Variants in FGFR2 observed in about 807,000 individuals in gnomAD.
FGFR2 encodes fibroblast growth factor receptor 2, also known as BEK fibroblast growth factor receptor.
In FGFR2, 19 loss-of-function variants were observed where a neutral mutation model predicts 95.9. That is an observed-to-expected ratio of 0.20 (90% CI 0.14 to 0.29). The LOEUF is 0.29. Among genes scored for constraint, FGFR2 ranks in the 10% least tolerant of loss-of-function variants. FGFR2 has a pLI of 1.00. For synonymous variants in FGFR2, 392 were observed against 393.3 expected (o/e 1.00, Z 0.04); for missense variants, 707 against 1,056.9 (o/e 0.67, Z 4.59).
intron 13 of FGFR2, among the ~76,000 whole-genome samples, chr10:121,494,426 T>C (rs1485140775): frequency 6.6e-6 from 1 of 152,106 alleles, no homozygotes; most frequent in African/African-American, 2.4e-5. Context: ...ATAAAATGAC[T>C]GAGCCAGCCC....
chr10:121,517,427 C>A lies in FGFR2; in HGVS notation c.976G>T (p.Val326Phe), dbSNP rs972534891. The A allele has an allele frequency of 1.9e-6, 3 of 1,614,200 alleles. No homozygotes were observed. Among genetic ancestry groups the A allele is most frequent in the Non-Finnish European group, 2.5e-6 (3 of 1,180,036 alleles). Residue 326 changes from valine to phenylalanine, a missense_variant, in exon 8 of 18, where the codon GTT (valine) becomes TTT (phenylalanine). By Grantham distance (50) the Val-to-Phe change is conservative (BLOSUM62 -1). Transcript: ENST00000358487. The surrounding 1 kb of genome is among the most constrained non-coding windows in gnomAD (Gnocchi z 4.7). ...AAAGTTACATTCCGAATATAGAGAA[C>A]CTCAATCTCTTTGTCCGTGGTGTTA... ...GVNTTDKEIE[V>F]LYIRNVTFED...
At chr10:121,505,444 A>T (rs1848144398) in intron 9 of FGFR2, among the ~76,000 whole-genome samples, 1 of 152,192 alleles carries the variant, frequency 6.6e-6, no homozygotes, top group South Asian at 2.1e-4. Flanking sequence ...CATTATGCAG[A>T]TAGTATGAGC....
At position 121,498,723 on chromosome 10, in the gene FGFR2, G is replaced by T. The variant is rs4647911; in HGVS notation, c.1562-118C>A. The T allele has an allele frequency of 1.3e-4, 114 of 895,282 alleles. No individual in the cohort carries two copies. In the Middle Eastern group the frequency reaches 1.4e-3, roughly 11 times the overall value. 55.5% of individuals were successfully genotyped at this position (895,282 alleles called of 1,614,324 possible). On this transcript the variant is annotated intron_variant, in intron 11 of 17. Coordinates refer to ENST00000358487, the MANE Select transcript of FGFR2 (RefSeq NM_000141.5). Reference sequence around the variant, plus strand: ...GAAATTGAATTTCAGAATCAGAAAAGATTTTCCAAATCATCTCCCTCATTT... The same window carrying T: ...GAAATTGAATTTCAGAATCAGAAAATATTTTCCAAATCATCTCCCTCATTT...
intron 6 of FGFR2, 27 bp from the exon 7 acceptor site, chr10:121,520,196 AGT>A (rs1564919608): frequency 1.2e-6 from 2 of 1,604,212 alleles, no homozygotes; most frequent in South Asian, 2.2e-5. Flanking sequence ...AGAAAGGAGG[AGT>A]GGGGATGGGA....
intron 2 of FGFR2, among the ~76,000 whole-genome samples, chr10:121,591,953 T>G (rs971763778): frequency 1.3e-5 from 2 of 152,214 alleles, no homozygotes; most frequent in Non-Finnish European, 2.9e-5. Flanking sequence ...CCTCCCTGCA[T>G]GTATACACAA....
At chr10:121,516,117 G>A (rs934356238) in intron 8 of FGFR2, among the ~76,000 whole-genome samples, 1 of 152,048 alleles carries the variant, frequency 6.6e-6, no homozygotes, top group African/African-American at 2.4e-5. Context: ...AACTTCCAAT[G>A]TCTGACTTCT....
intron 8 of FGFR2, among the ~76,000 whole-genome samples, chr10:121,515,646 T>C (rs1849622162): frequency 6.6e-6 from 1 of 152,008 alleles, no homozygotes; most frequent in Non-Finnish European, 1.5e-5. Flanking sequence ...AATGAAAGGA[T>C]TATCTTTCAT....
chr10:121,595,814 G>A (rs1863355934), intron 1 of FGFR2, among the ~76,000 whole-genome samples: 2 of 152,198 alleles, frequency 1.3e-5, no homozygotes, highest in Admixed American at 1.3e-4. Flanking sequence ...GCAGAGAAAG[G>A]TGGACAGGGC....
chr10:121,513,966 G>A (rs1849369528), intron 9 of FGFR2, among the ~76,000 whole-genome samples: 1 of 152,082 alleles, frequency 6.6e-6, no homozygotes, highest in African/African-American at 2.4e-5. Context: ...TCCAGAAAAT[G>A]TCATTCCTAC....
chr10:121,577,549 G>A (rs1296281319), intron 2 of FGFR2, among the ~76,000 whole-genome samples: 1 of 152,074 alleles, frequency 6.6e-6, no homozygotes. Context: ...TCCTGCTGGT[G>A]CGTACATGTG....
At chr10:121,568,194 A>G (rs1222611790) in intron 2 of FGFR2, among the ~76,000 whole-genome samples, 1 of 152,172 alleles carries the variant, frequency 6.6e-6, no homozygotes, top group African/African-American at 2.4e-5. Context: ...CCAACATCCT[A>G]GAGTCACAGA....
At chr10:121,522,011 T>C (rs1822109734) in intron 6 of FGFR2, among the ~76,000 whole-genome samples, 1 of 152,206 alleles carries the variant, frequency 6.6e-6, no homozygotes, top group African/African-American at 2.4e-5. Flanking sequence ...GAAGCCATGA[T>C]GCTAAGTGAA....
intron 2 of FGFR2, among the ~76,000 whole-genome samples, chr10:121,587,036 A>G (rs1173327650): frequency 6.6e-6 from 1 of 152,224 alleles, no homozygotes; most frequent in Non-Finnish European, 1.5e-5. Context: ...TGGTACTGGT[A>G]TAAAAACAGG....
intron 4 of FGFR2, among the ~76,000 whole-genome samples, chr10:121,555,028 C>T (rs1855935663): frequency 6.6e-6 from 1 of 152,152 alleles, no homozygotes; most frequent in Non-Finnish European, 1.5e-5. Flanking sequence ...AGAGATCAGC[C>T]TTGTCCATAG....
intron 9 of FGFR2, among the ~76,000 whole-genome samples, chr10:121,514,299 G>A (rs191998658): frequency 4.1e-4 from 62 of 152,256 alleles, no homozygotes; most frequent in Non-Finnish European, 8.1e-4. Flanking sequence ...CTGTGAATAA[G>A]CAGAAAAGAG....
At chr10:121,564,327 G>A (rs1455967733) in intron 4 of FGFR2, 175 bp downstream of exon 4, 10 of 645,404 alleles carry the variant, frequency 1.5e-5, no homozygotes, top group Admixed American at 5.0e-5. Flanking sequence ...AGAAGGCTGT[G>A]CAGCAACACT....
At chr10:121,525,539 C>T (rs913773287) in intron 6 of FGFR2, among the ~76,000 whole-genome samples, 1 of 152,126 alleles carries the variant, frequency 6.6e-6, no homozygotes, top group Non-Finnish European at 1.5e-5. Flanking sequence ...CTGTCAAGCC[C>T]TGCTCTGTAG....
intron 13 of FGFR2, among the ~76,000 whole-genome samples, chr10:121,490,059 C>A (rs1453453271): frequency 6.6e-6 from 1 of 152,036 alleles, no homozygotes; most frequent in South Asian, 2.1e-4. Flanking sequence ...ATTCTAAACA[C>A]TGAAATATTA....
At chr10:121,522,226 C>T (rs1359811129) in intron 6 of FGFR2, among the ~76,000 whole-genome samples, 1 of 152,176 alleles carries the variant, frequency 6.6e-6, no homozygotes. Flanking sequence ...AGCATCGTGC[C>T]TATAGTCAAC....
Sources: gnomAD v4.1 joint callset for allele counts (sites outside exome capture counted in the v4.1 genomes callset) on GRCh38, gnomAD v4.1.1 for gene constraint, Gnocchi (gnomAD v3.1) non-coding constraint, MANE v1.5 for transcripts, NCBI Gene and HGNC (gene_info 2026-07-23, HGNC 2026-07-21) for gene names.